The following SGCG variants were observed in gnomAD, a reference collection of about 807,000 sequenced individuals.
SGCG encodes gamma-sarcoglycan.
SGCG carries 26 observed loss-of-function variants against 29.3 expected under a neutral mutation model. The ratio of observed to expected loss-of-function variants is 0.89; its 90% CI spans 0.65 to 1.23. The LOEUF (loss-of-function observed/expected upper bound fraction) is 1.23. Ranked by LOEUF, SGCG falls within the 50% of genes most tolerant of loss-of-function variation. The probability of loss-of-function intolerance (pLI) is 0.00; values close to 1 mark genes in which losing one functional copy is unlikely to be tolerated. For missense variants in SGCG, 353 were observed against 356.0 expected (o/e 0.99, Z 0.07); for synonymous variants, 145 against 129.7 (o/e 1.12, Z -0.80).
upstream of SGCG, among the ~76,000 whole-genome samples, chr13:23,179,315 G>A (rs978263027): frequency 1.5e-4 from 23 of 152,134 alleles, 1 homozygote; most frequent in Non-Finnish European, 7.4e-5. Context: ...ACTAAACATA[G>A]GTGTGGATAG....
intron 6 of SGCG, among the ~76,000 whole-genome samples, chr13:23,303,830 G>A (rs531060644): frequency 1.2e-4 from 19 of 152,030 alleles, no homozygotes; most frequent in Admixed American, 5.2e-4. Context: ...TTCCCCTTTC[G>A]GTGACTTTCC....
intron 1 of SGCG, among the ~76,000 whole-genome samples, chr13:23,201,947 G>A (rs1877785067): frequency 6.6e-6 from 1 of 152,140 alleles, no homozygotes; most frequent in African/African-American, 2.4e-5. Context: ...ATAATAGAGG[G>A]AAGAGGTTGA....
chr13:23,315,567 C>T (rs1263600179), intron 6 of SGCG, among the ~76,000 whole-genome samples: 1 of 144,530 alleles, frequency 6.9e-6, no homozygotes, highest in Non-Finnish European at 1.6e-5. Context: ...GATATGCAGG[C>T]ACCACCCAAA....
the SGCG span, among the ~76,000 whole-genome samples, chr13:23,169,184 ATCC>A: frequency 6.6e-6 from 1 of 151,996 alleles, no homozygotes; most frequent in Non-Finnish European, 1.5e-5. Context: ...ACACTGAACA[ATCC>A]TCCTCATTCA....
At chr13:23,193,359 T>A (rs1877355444) in intron 1 of SGCG, among the ~76,000 whole-genome samples, 1 of 152,052 alleles carries the variant, frequency 6.6e-6, no homozygotes, top group African/African-American at 2.4e-5. Flanking sequence ...TTGGGTGCCA[T>A]GTGGAGATTG....
At position 23,306,168 on chromosome 13, in the gene SGCG, T is replaced by C. The variant is rs567237598; in HGVS notation, c.578+10681T>C. Among the ~76,000 whole-genome samples the C allele has an allele frequency of 1.6e-3, 249 of 152,310 alleles. 2 individuals are homozygous for C. Among genetic ancestry groups the C allele is most frequent in the African/African-American group, 5.8e-3 (243 of 41,576 alleles). On this transcript the variant is annotated intron_variant, in intron 6 of 7. Transcript: ENST00000218867. Reference sequence around the variant, plus strand: ...TGTCAGCCACTGTGCCTGGCTATGCTATGATTATAAAGTTTAAGTAACCCT... The same window carrying C: ...TGTCAGCCACTGTGCCTGGCTATGCCATGATTATAAAGTTTAAGTAACCCT...
At chr13:23,280,708 T>C (rs1467452825) in intron 5 of SGCG, among the ~76,000 whole-genome samples, 1 of 152,226 alleles carries the variant, frequency 6.6e-6, no homozygotes. Context: ...TTATTTTCTG[T>C]TTCCTAACTT....
chr13:23,266,949 C>T (rs1880664382), intron 4 of SGCG, among the ~76,000 whole-genome samples: 1 of 152,086 alleles, frequency 6.6e-6, no homozygotes, highest in Admixed American at 6.5e-5. Flanking sequence ...CAATAATGAA[C>T]TAACACAAAT....
chr13:23,202,695 C>T lies in SGCG; in HGVS notation c.1-1000C>T, dbSNP rs185672522. 3.4e-3 allele frequency among the ~76,000 whole-genome samples: 510 copies of T among 152,194 alleles called. 2 individuals are homozygous for T. Among genetic ancestry groups the T allele is most frequent in the African/African-American group, 0.012 (479 of 41,534 alleles). ...TGTAGATAATCAGAATATGTGAAAA[C>T]GCCTATTGTTAAATTGGAAGGAGAT... is the stretch of plus-strand genomic sequence containing the variant. On this transcript the variant is annotated intron_variant, in intron 1 of 7. Coordinates refer to ENST00000218867, the MANE Select transcript of SGCG (RefSeq NM_000231.3).
chr13:23,247,621 A>G (rs1477792754), intron 3 of SGCG, among the ~76,000 whole-genome samples: 1 of 152,084 alleles, frequency 6.6e-6, no homozygotes, highest in Non-Finnish European at 1.5e-5. Context: ...TTTGTATATT[A>G]TATTCGTATA....
intron 4 of SGCG, among the ~76,000 whole-genome samples, chr13:23,256,340 T>C (rs1286532447): frequency 2.0e-5 from 3 of 152,172 alleles, no homozygotes; most frequent in African/African-American, 7.2e-5. Context: ...ATTATTAAGT[T>C]ACTCAAGGAA....
chr13:23,196,285 G>A (rs990997673), intron 1 of SGCG, among the ~76,000 whole-genome samples: 18 of 152,018 alleles, frequency 1.2e-4, no homozygotes, highest in Non-Finnish European at 2.2e-4. Context: ...TCTAGTTTTT[G>A]TTTCTAGTTG....
the SGCG span, among the ~76,000 whole-genome samples, chr13:23,161,965 A>C: frequency 6.6e-6 from 1 of 152,236 alleles, no homozygotes; most frequent in Admixed American, 6.5e-5. Flanking sequence ...ATCTTTCTTA[A>C]ATCTCAGAAA....
At chr13:23,289,776 G>T (rs1881629163) in intron 5 of SGCG, among the ~76,000 whole-genome samples, 1 of 152,170 alleles carries the variant, frequency 6.6e-6, no homozygotes, top group Non-Finnish European at 1.5e-5. Flanking sequence ...ATTATGCAGG[G>T]ATTTGCTGGC....
Position 23,234,593 on chromosome 13 carries a change from C to CT in SGCG, c.196-6dup, listed in dbSNP as rs568365779. On this transcript the variant is annotated splice_polypyrimidine_tract_variant and intron_variant, in intron 2 of 7. Coordinates refer to ENST00000218867, the MANE Select transcript of SGCG (RefSeq NM_000231.3). The stretch of plus-strand genomic sequence containing the variant: ...AGCAATAAAAATATACGCATTGTCT[C>CT]TTTTTTTTTTTTAACAGGCAGGAAT... 37,060 of 1,177,006 alleles carry CT rather than the reference C, an allele frequency of 0.031. 2 individuals are homozygous for CT. The highest frequency in any genetic ancestry group is 0.037 in the Non-Finnish European group (30,842 of 833,382). The allele number at this position is 1,177,006 out of a possible 1,614,324, so 72.9% of individuals were successfully genotyped here.
At chr13:23,166,282 G>A in the SGCG span, among the ~76,000 whole-genome samples, 7 of 151,982 alleles carry the variant, frequency 4.6e-5, no homozygotes, top group African/African-American at 1.2e-4. Context: ...TGCAACATCC[G>A]CCTCCCGAGT....
intron 5 of SGCG, among the ~76,000 whole-genome samples, chr13:23,285,982 T>C (rs1881482621): frequency 6.6e-6 from 1 of 152,108 alleles, no homozygotes; most frequent in Non-Finnish European, 1.5e-5. Flanking sequence ...GGTACCTCAG[T>C]TGGAAATGCA....
the SGCG span, among the ~76,000 whole-genome samples, chr13:23,161,709 A>G: frequency 6.6e-6 from 1 of 152,236 alleles, no homozygotes; most frequent in Non-Finnish European, 1.5e-5. Context: ...TCATGACAAT[A>G]TGCTTCCAAA....
At chr13:23,205,577 T>C (rs2137504321) in intron 2 of SGCG, among the ~76,000 whole-genome samples, 1 of 152,350 alleles carries the variant, frequency 6.6e-6, no homozygotes, top group South Asian at 2.1e-4. Context: ...ACGGTTTGAC[T>C]GTAAAGTGAC....
Sources: allele counts gnomAD v4.1 joint callset (sites outside exome capture counted in the v4.1 genomes callset), GRCh38; gene constraint gnomAD v4.1.1; transcripts MANE v1.5; gene names NCBI Gene and HGNC (gene_info 2026-07-23, HGNC 2026-07-21).